Variants in PPP2R2C observed in about 807,000 individuals in gnomAD.
The protein encoded by PPP2R2C is protein phosphatase 2, regulatory subunit B, gamma.
Under a neutral mutation model 45.3 loss-of-function variants are expected in PPP2R2C, and 10 were observed. That is an observed-to-expected ratio of 0.22 (90% confidence interval 0.14 to 0.37). The LOEUF (loss-of-function observed/expected upper bound fraction) is 0.37. Among genes scored for constraint, PPP2R2C ranks in the 10% least tolerant of loss-of-function variants. The pLI, the probability that PPP2R2C is intolerant of heterozygous loss-of-function variation, is 1.00. For missense variants in PPP2R2C, 308 were observed against 619.7 expected (o/e 0.50, Z 5.34); for synonymous variants, 257 against 245.4 (o/e 1.05, Z -0.44).
intron 2 of PPP2R2C, among the ~76,000 whole-genome samples, chr4:6,499,922 T>C (rs1200758103): frequency 6.6e-6 from 1 of 152,134 alleles, no homozygotes; most frequent in Admixed American, 6.5e-5. Context: ...CCAGGCTTCC[T>C]TCCCCTTTCT....
intron 1 of PPP2R2C, among the ~76,000 whole-genome samples, chr4:6,550,877 C>G (rs1185270241): frequency 6.6e-6 from 1 of 152,202 alleles, no homozygotes; most frequent in Non-Finnish European, 1.5e-5. Flanking sequence ...AATTACTCAC[C>G]TCAAGTGATC....
At chr4:6,348,145 C>A (rs546949819) in intron 5 of PPP2R2C, 135 bp from the exon 6 acceptor site, 2 of 1,018,222 alleles carry the variant, frequency 2.0e-6, no homozygotes, top group East Asian at 2.5e-5. Context: ...TCCTGAGACC[C>A]TCAAAATGCG....
Position 6,330,877 on chromosome 4 carries a change from C to A in PPP2R2C, c.961-1524G>T, listed in dbSNP as rs1361909405. ...GGGCCCTGCTCATCCCTCCCCAGCC[C>A]CCGTGTCCTCCTGGTGACCCTTGCC... On this transcript the variant is annotated intron_variant, in intron 7 of 8. Transcript: ENST00000382599. The surrounding 1 kb of genome is among the most constrained non-coding windows in gnomAD (Gnocchi z 7.0). Among the ~76,000 whole-genome samples, 1 of 152,168 alleles carries A rather than the reference C, an allele frequency of 6.6e-6. No individual in the cohort carries two copies. Among genetic ancestry groups the A allele is most frequent in the Non-Finnish European group, 1.5e-5 (1 of 68,032 alleles).
intron 1 of PPP2R2C, among the ~76,000 whole-genome samples, chr4:6,556,801 T>A (rs1725415858): frequency 1.3e-5 from 2 of 151,944 alleles, no homozygotes; most frequent in South Asian, 4.2e-4. Flanking sequence ...TCTGCAAGCA[T>A]CTCTCGGGGT....
At chr4:6,351,073 G>C (rs1712507449) in intron 5 of PPP2R2C, 1 of 963,214 alleles carries the variant, frequency 1.0e-6, no homozygotes, top group South Asian at 4.8e-5. Context: ...GGGAGGTCAA[G>C]GCGAGCAGGT....
chr4:6,440,686 T>G (rs1720110941), intron 1 of PPP2R2C, among the ~76,000 whole-genome samples: 1 of 152,182 alleles, frequency 6.6e-6, no homozygotes, highest in South Asian at 2.1e-4. Flanking sequence ...AGCACCTCCC[T>G]CCCTGACTGG....
rs1731503817 is a variant in PPP2R2C at position 6,320,826 on chromosome 4, A to C, written c.*2476T>G. 6.6e-6 allele frequency: 1 copy of C among 151,946 alleles called. No homozygotes were observed. Among genetic ancestry groups the C allele is most frequent in the Non-Finnish European group, 1.5e-5 (1 of 68,022 alleles). 9.4% of individuals were successfully genotyped at this position (151,946 alleles called of 1,614,324 possible). A position where few individuals can be genotyped will look rare whatever the true frequency, so the allele number is the denominator to read the frequency against. On this transcript the variant is annotated 3_prime_UTR_variant, in exon 9 of 9. Coordinates refer to ENST00000382599, the MANE Select transcript of PPP2R2C (RefSeq NM_020416.4). Reference sequence around the variant, plus strand: ...CTAAATTAAAAACAAAACCAAAAAAACCCCAACAACTTCACAATGACTATG... The same window carrying C: ...CTAAATTAAAAACAAAACCAAAAAACCCCCAACAACTTCACAATGACTATG...
At chr4:6,458,194 T>C (rs1721139955) in intron 1 of PPP2R2C, among the ~76,000 whole-genome samples, 1 of 152,256 alleles carries the variant, frequency 6.6e-6, no homozygotes, top group Admixed American at 6.5e-5. Flanking sequence ...GGCCAATTCC[T>C]TCTTTCAGTG....
chr4:6,480,382 C>A (rs1652837714), intron 2 of PPP2R2C, among the ~76,000 whole-genome samples: 1 of 152,202 alleles, frequency 6.6e-6, no homozygotes, highest in South Asian at 2.1e-4. Flanking sequence ...TCATGCATAT[C>A]TTTTCCCAAC....
intron 2 of PPP2R2C, among the ~76,000 whole-genome samples, chr4:6,479,350 G>A (rs115555640): frequency 4.7e-4 from 72 of 152,318 alleles, no homozygotes; most frequent in Non-Finnish European, 9.6e-4. Context: ...CCTCATAGAG[G>A]CTGGGCAAAT....
intron 5 of PPP2R2C, among the ~76,000 whole-genome samples, chr4:6,369,013 G>A (rs1177840231): frequency 6.6e-6 from 1 of 152,150 alleles, no homozygotes; most frequent in Non-Finnish European, 1.5e-5. Flanking sequence ...TGAATGAAGG[G>A]GGATGTCTCT....
chr4:6,493,960 T>C (rs925155385), intron 2 of PPP2R2C, among the ~76,000 whole-genome samples: 6 of 152,242 alleles, frequency 3.9e-5, no homozygotes, highest in Admixed American at 2.6e-4. Context: ...TTGGCCTTTT[T>C]TAATCCAAAC....
intron 1 of PPP2R2C, among the ~76,000 whole-genome samples, chr4:6,450,478 A>C (rs887255129): frequency 6.6e-6 from 1 of 152,190 alleles, no homozygotes; most frequent in Non-Finnish European, 1.5e-5. Context: ...AAGCACTGGA[A>C]GGAGAAGGAA....
chr4:6,432,974 G>A (rs185637151), intron 1 of PPP2R2C, among the ~76,000 whole-genome samples: 2,349 of 152,242 alleles, frequency 0.015, 31 homozygotes, highest in Non-Finnish European at 0.026. Context: ...TCCACTTAAT[G>A]AACAGAAAAT....
At chr4:6,522,347 C>T (rs554858772) in intron 2 of PPP2R2C, among the ~76,000 whole-genome samples, 32 of 152,358 alleles carry the variant, frequency 2.1e-4, no homozygotes, top group Non-Finnish European at 4.6e-4. Context: ...CACTCCCGGG[C>T]ATTACCAATC....
intron 1 of PPP2R2C, among the ~76,000 whole-genome samples, chr4:6,455,501 C>A (rs2108751072): frequency 6.6e-6 from 1 of 152,266 alleles, no homozygotes; most frequent in African/African-American, 2.4e-5. Flanking sequence ...CAGCCTTCCT[C>A]CAGCACACTG....
At position 6,325,785 on chromosome 4, in the gene PPP2R2C, A is replaced by T. The variant is rs1291019857; in HGVS notation, c.1053-2192T>A. On this transcript the variant is annotated intron_variant, in intron 8 of 8. Coordinates refer to ENST00000382599, the MANE Select transcript of PPP2R2C (RefSeq NM_020416.4). Reference sequence around the variant, plus strand: ...AGGTTCCCTTAACAGGGAAAAGGGCAGGGGAGCTGCTTCACCTCTCCTAGC... The same window carrying T: ...AGGTTCCCTTAACAGGGAAAAGGGCTGGGGAGCTGCTTCACCTCTCCTAGC... Among the ~76,000 whole-genome samples, 3 of 152,220 alleles carry T rather than the reference A, an allele frequency of 2.0e-5. No individual in the cohort carries two copies. In the East Asian group the frequency reaches 5.8e-4, roughly 29 times the overall value.
rs1731528352 is a variant in PPP2R2C at position 6,321,149 on chromosome 4, A to G, written c.*2153T>C. The G allele has an allele frequency of 6.6e-6, 1 of 152,256 alleles. No individual in the cohort carries two copies. Among genetic ancestry groups the G allele is most frequent in the Non-Finnish European group, 1.5e-5 (1 of 68,052 alleles). The allele number at this position is 152,256 out of a possible 1,614,324, so 9.4% of individuals were successfully genotyped here. A position where few individuals can be genotyped will look rare whatever the true frequency, so the allele number is the denominator to read the frequency against. Reference sequence around the variant, plus strand: ...CTGTATTAAGACCTCCTTTTGAAGGACATGTAAGATTTGTACTTTGAAGAT... The same window carrying G: ...CTGTATTAAGACCTCCTTTTGAAGGGCATGTAAGATTTGTACTTTGAAGAT... On this transcript the variant is annotated 3_prime_UTR_variant, in exon 9 of 9. Coordinates refer to ENST00000382599, the MANE Select transcript of PPP2R2C (RefSeq NM_020416.4).
chr4:6,521,076 A>T (rs1398866423), intron 2 of PPP2R2C, among the ~76,000 whole-genome samples: 1 of 152,184 alleles, frequency 6.6e-6, no homozygotes. Flanking sequence ...TTGGAAAGTA[A>T]GGTTCGAAAA....
Sources: gnomAD v4.1 joint callset for allele counts (sites outside exome capture counted in the v4.1 genomes callset) on GRCh38, gnomAD v4.1.1 for gene constraint, Gnocchi (gnomAD v3.1) non-coding constraint, MANE v1.5 for transcripts, NCBI Gene and HGNC (gene_info 2026-07-23, HGNC 2026-07-21) for gene names.